Variants in EPHA6 observed in about 807,000 individuals in gnomAD.
EPHA6 encodes ephrin type-A receptor 6.
In EPHA6, 50 loss-of-function variants were observed where a neutral mutation model predicts 112.0. The ratio of observed to expected loss-of-function variants is 0.45; its 90% CI spans 0.36 to 0.56. EPHA6 has a LOEUF of 0.56. EPHA6 is among the 20% of genes least tolerant of loss of function. EPHA6 has a pLI of 0.00. For synonymous variants in EPHA6, 529 were observed against 490.7 expected, an observed-to-expected ratio of 1.08 and a Z score of -1.03; for missense variants, 1,280 against 1,417.4, an observed-to-expected ratio of 0.90 and a Z score of 1.56.
rs556675015 is a variant in EPHA6, at chr3:97,562,852, A to G, written c.2387-29760A>G. 1.7e-4 allele frequency among the ~76,000 whole-genome samples: 26 copies of G among 152,294 alleles called. No homozygotes were observed. The East Asian group carries it at 4.8e-3, about 28-fold the overall frequency. ...TTCGGATACATCAGCAGCCATCAAC[A>G]TCAAGGCAACACCCTCCACCAGTAA... On this transcript the variant is annotated intron_variant, in intron 11 of 17. Transcript: ENST00000389672.
intron 1 of EPHA6, among the ~76,000 whole-genome samples, chr3:96,850,371 C>T (rs2035310516): frequency 6.6e-6 from 1 of 152,034 alleles, no homozygotes; most frequent in South Asian, 2.1e-4. Context: ...ATTTCATCGC[C>T]TGGAAGTGCG....
intron 5 of EPHA6, among the ~76,000 whole-genome samples, chr3:97,270,704 A>G (rs1486026880): frequency 6.6e-6 from 1 of 152,230 alleles, no homozygotes; most frequent in Non-Finnish European, 1.5e-5. Flanking sequence ...TTTCTTAACT[A>G]TTTATACTCA....
intron 3 of EPHA6, among the ~76,000 whole-genome samples, chr3:97,109,836 A>C (rs1437487831): frequency 1.3e-5 from 2 of 152,178 alleles, no homozygotes; most frequent in Non-Finnish European, 2.9e-5. Context: ...GGTTACACTT[A>C]TTCAAATCAC....
At chr3:97,108,571 T>G (rs2047634660) in intron 3 of EPHA6, among the ~76,000 whole-genome samples, 1 of 152,140 alleles carries the variant, frequency 6.6e-6, no homozygotes, top group Non-Finnish European at 1.5e-5. Context: ...CATTACAAAG[T>G]CATGAGATCT....
chr3:97,417,627 G>C (rs1384247906), intron 6 of EPHA6, among the ~76,000 whole-genome samples: 2 of 152,010 alleles, frequency 1.3e-5, no homozygotes, highest in Non-Finnish European at 2.9e-5. Context: ...AAAAAAATCT[G>C]AGCTTGGAGG....
At chr3:96,868,802 A>G (rs2036472992) in intron 2 of EPHA6, among the ~76,000 whole-genome samples, 1 of 152,006 alleles carries the variant, frequency 6.6e-6, no homozygotes. Flanking sequence ...AAATTGTATA[A>G]TGTGCTACAT....
Position 97,728,064 on chromosome 3 carries a change from C to T in EPHA6, c.2934+7654C>T, listed in dbSNP as rs887169473. On this transcript the variant is annotated intron_variant, in intron 15 of 17. Coordinates refer to ENST00000389672, the MANE Select transcript of EPHA6 (RefSeq NM_001080448.3). The stretch of plus-strand genomic sequence containing the variant: ...TATTTGGAAGAAATATATTTACTAG[C>T]TTTAGAACTTATGATTTTTATTCAT... 3.8e-4 allele frequency among the ~76,000 whole-genome samples: 4 copies of T among 10,498 alleles called. No homozygotes were observed. In the East Asian group the frequency reaches 0.015, roughly 40 times the overall value. The allele number at this position is 10,498 out of a possible 152,430, so 6.9% of individuals were successfully genotyped here.
chr3:96,941,244 C>T (rs1471980509), intron 2 of EPHA6, among the ~76,000 whole-genome samples: 1 of 152,156 alleles, frequency 6.6e-6, no homozygotes, highest in Non-Finnish European at 1.5e-5. Flanking sequence ...ACCAATCAGT[C>T]GTAGATTTGT....
At chr3:97,706,288 T>C (rs1050163945) in intron 14 of EPHA6, among the ~76,000 whole-genome samples, 3 of 152,142 alleles carry the variant, frequency 2.0e-5, no homozygotes, top group African/African-American at 7.2e-5. Context: ...CCACTTTGGA[T>C]CACAAGATAC....
chr3:96,984,246 T>G (rs1488163079), intron 2 of EPHA6, among the ~76,000 whole-genome samples: 5 of 152,178 alleles, frequency 3.3e-5, no homozygotes, highest in Admixed American at 3.3e-4. Context: ...GGATGTCCTT[T>G]CTGTTTGTTA....
chr3:97,611,662 T>C (rs2093721375), intron 13 of EPHA6, among the ~76,000 whole-genome samples: 1 of 151,944 alleles, frequency 6.6e-6, no homozygotes, highest in African/African-American at 2.4e-5. Context: ...ATTTTTAATA[T>C]CTATCTATCT....
intron 3 of EPHA6, among the ~76,000 whole-genome samples, chr3:97,006,976 T>C (rs1473362909): frequency 6.6e-6 from 1 of 152,200 alleles, no homozygotes; most frequent in Non-Finnish European, 1.5e-5. Context: ...GACTGTTTGT[T>C]ATTATTTCAG....
chr3:97,086,942 G>A (rs1022123280), intron 3 of EPHA6, among the ~76,000 whole-genome samples: 3 of 152,000 alleles, frequency 2.0e-5, no homozygotes, highest in African/African-American at 4.8e-5. Flanking sequence ...ATCAGTGAAC[G>A]AATAAGATTC....
intron 2 of EPHA6, among the ~76,000 whole-genome samples, chr3:96,986,508 C>T (rs1411895278): frequency 6.6e-6 from 1 of 152,144 alleles, no homozygotes; most frequent in East Asian, 1.9e-4. Context: ...GCAAGTTTCA[C>T]TATCTCATCT....
At chr3:97,471,542 G>A (rs1393621145) in intron 7 of EPHA6, among the ~76,000 whole-genome samples, 5 of 151,556 alleles carry the variant, frequency 3.3e-5, no homozygotes, top group Non-Finnish European at 5.9e-5. Flanking sequence ...ACTCAACTTG[G>A]TAAAATGTAG....
intron 2 of EPHA6, among the ~76,000 whole-genome samples, chr3:96,930,580 T>C (rs762380337): frequency 3.3e-5 from 5 of 152,130 alleles, no homozygotes; most frequent in Non-Finnish European, 5.9e-5. Flanking sequence ...TTCTGGAAGC[T>C]CCATCCCAGG....
chr3:97,028,075 C>A (rs2044703964), intron 3 of EPHA6, among the ~76,000 whole-genome samples: 1 of 151,984 alleles, frequency 6.6e-6, no homozygotes. Context: ...TTTGAAGTTC[C>A]AAAAGTGGGA....
intron 3 of EPHA6, among the ~76,000 whole-genome samples, chr3:97,143,040 T>A (rs992097900): frequency 2.0e-5 from 3 of 151,826 alleles, no homozygotes; most frequent in African/African-American, 7.2e-5. Context: ...GAAGTCCAAC[T>A]TTCTATGCTC....
chr3:97,587,964 A>G (rs1028628503), intron 11 of EPHA6, among the ~76,000 whole-genome samples: 1 of 152,140 alleles, frequency 6.6e-6, no homozygotes, highest in Non-Finnish European at 1.5e-5. Flanking sequence ...TATTACTTAG[A>G]TAAGTGATCA....
Sources: allele counts gnomAD v4.1 joint callset (sites outside exome capture counted in the v4.1 genomes callset), GRCh38; gene constraint gnomAD v4.1.1; transcripts MANE v1.5; gene names NCBI Gene and HGNC (gene_info 2026-07-23, HGNC 2026-07-21).